CYP2J2: variants seen among roughly 807,000 people sequenced by gnomAD.
CYP2J2 encodes the protein cytochrome P450 2J2.
Under a neutral mutation model 48.8 loss-of-function variants are expected in CYP2J2, and 41 were observed. That is an observed-to-expected ratio of 0.84 (90% CI 0.66 to 1.09). The LOEUF is 1.09. CYP2J2 is among the 50% of genes least tolerant of loss of function. The probability of loss-of-function intolerance (pLI) is 0.00; values close to 1 mark genes in which losing one functional copy is unlikely to be tolerated. For synonymous variants in CYP2J2, 221 were observed against 227.1 expected, an observed-to-expected ratio of 0.97 and a Z score of 0.24; for missense variants, 644 against 617.3, an observed-to-expected ratio of 1.04 and a Z score of -0.46.
At chr1:59,903,525 A>G (rs1040548515) in intron 7 of CYP2J2, among the ~76,000 whole-genome samples, 4 of 152,194 alleles carry the variant, frequency 2.6e-5, no homozygotes, top group Non-Finnish European at 5.9e-5. Context: ...GGATTACTGG[A>G]GGAGAGAGTG....
In CYP2J2 at chr1:59,904,891, C is replaced by A. The variant is rs748001282; in HGVS notation, c.1171G>T (p.Ala391Ser). 1 of 1,613,682 alleles carries A rather than the reference C, an allele frequency of 6.2e-7. No homozygotes were observed. The highest frequency in any genetic ancestry group is 2.2e-5 in the East Asian group (1 of 44,846). Residue 391 changes from alanine to serine, a missense_variant, in exon 7 of 9, where the codon GCT (alanine) becomes TCT (serine). Coordinates refer to ENST00000371204, the MANE Select transcript of CYP2J2 (RefSeq NM_000775.4). ...ATTACCTTGGGCAGGTGGTACCCAGCCAAAGTGGTATCAACTGTCACTTCC... is the reference window on the plus strand; with the variant it reads ...ATTACCTTGGGCAGGTGGTACCCAGACAAAGTGGTATCAACTGTCACTTCC... ...PREVTVDTTL[A>S]GYHLPKGTMI...
rs527483308 is a variant in CYP2J2 at position 59,914,727 on chromosome 1, T to C, written c.373+1211A>G. Among the ~76,000 whole-genome samples the C allele has an allele frequency of 7.2e-5, 11 of 152,312 alleles. 1 individual carries two copies. The South Asian group carries it at 1.4e-3, about 20-fold the overall frequency. On this transcript the variant is annotated intron_variant, in intron 2 of 8. Transcript: ENST00000371204. ...TTGTCCAAGGTTTCTCCCCATGTGA[T>C]AGTCTGAAATATGGCCTCATGGGAT...
At chr1:59,938,774 C>T in the CYP2J2 span, among the ~76,000 whole-genome samples, 1 of 152,198 alleles carries the variant, frequency 6.6e-6, no homozygotes, top group Non-Finnish European at 1.5e-5. Context: ...TTGCCCATCC[C>T]ACGAGGCCAT....
the CYP2J2 span, among the ~76,000 whole-genome samples, chr1:59,952,543 C>T: frequency 4.5e-4 from 69 of 152,024 alleles, no homozygotes; most frequent in African/African-American, 1.6e-3. Flanking sequence ...CAGCCGAAAG[C>T]GGTATTAGGA....
rs888339394 is a variant in CYP2J2 at position 59,897,598 on chromosome 1, G to A, written c.1330+3367C>T. Among the ~76,000 whole-genome samples the A allele has an allele frequency of 2.6e-5, 4 of 152,160 alleles. No individual in the cohort carries two copies. In the East Asian group the frequency reaches 7.7e-4, roughly 29 times the overall value. Reference sequence around the variant, plus strand: ...AGGCCAGTTACCTCAGTAGTAAAATGAGAGAACTGACTTACAATTTTGGCA... The same window carrying A: ...AGGCCAGTTACCTCAGTAGTAAAATAAGAGAACTGACTTACAATTTTGGCA... On this transcript the variant is annotated intron_variant, in intron 8 of 8. Transcript: ENST00000371204.
chr1:59,949,821 G>A, the CYP2J2 span, among the ~76,000 whole-genome samples: 1 of 149,446 alleles, frequency 6.7e-6, no homozygotes, highest in Non-Finnish European at 1.5e-5. Context: ...TTTTTTTAAT[G>A]GCTCCAGTCA....
At position 59,907,773 on chromosome 1, in the gene CYP2J2, C is replaced by T; in HGVS notation, c.1003+13G>A. ...TTCTGTCCTGGTTCAGGCTTACTCACTGACATGCTCACCTTGGATTTCTGG... is the reference window on the plus strand; with the variant it reads ...TTCTGTCCTGGTTCAGGCTTACTCATTGACATGCTCACCTTGGATTTCTGG... On this transcript the variant is annotated intron_variant, in intron 6 of 8. Coordinates refer to ENST00000371204, the MANE Select transcript of CYP2J2 (RefSeq NM_000775.4). The T allele has an allele frequency of 1.2e-6, 2 of 1,613,808 alleles. No homozygotes were observed. Among genetic ancestry groups the T allele is most frequent in the Non-Finnish European group, 1.7e-6 (2 of 1,179,812 alleles).
At chr1:59,957,486 GACA>G in the CYP2J2 span, among the ~76,000 whole-genome samples, 20 of 152,080 alleles carry the variant, frequency 1.3e-4, no homozygotes, top group Non-Finnish European at 2.6e-4. Context: ...CTCTGAACTT[GACA>G]ACACCAGGCA....
chr1:59,901,811 C>T (rs1177556190), intron 7 of CYP2J2, among the ~76,000 whole-genome samples: 1 of 152,182 alleles, frequency 6.6e-6, no homozygotes, highest in East Asian at 1.9e-4. Flanking sequence ...GTTATAGTTT[C>T]CTAACTGTGC....
the CYP2J2 span, among the ~76,000 whole-genome samples, chr1:59,943,821 G>A: frequency 6.6e-6 from 1 of 152,202 alleles, no homozygotes; most frequent in Non-Finnish European, 1.5e-5. Flanking sequence ...GATAAGAACA[G>A]AGAAGTGGTA....
the CYP2J2 span, among the ~76,000 whole-genome samples, chr1:59,967,661 G>A: frequency 6.6e-6 from 1 of 152,216 alleles, no homozygotes; most frequent in African/African-American, 2.4e-5. Flanking sequence ...AACACACTCA[G>A]CAAAGCCTCT....
In CYP2J2 at chr1:59,912,147, A is replaced by T. The variant is rs780185003; in HGVS notation, c.523+15T>A. On this transcript the variant is annotated intron_variant, in intron 3 of 8. Transcript: ENST00000371204. Reference sequence around the variant, plus strand: ...TGGGCCACAGTCTCTCACCTCTGTCATATGCAATGCTCACCGTTCTCCTCT... The same window carrying T: ...TGGGCCACAGTCTCTCACCTCTGTCTTATGCAATGCTCACCGTTCTCCTCT... 23 of 1,607,810 alleles carry T rather than the reference A, an allele frequency of 1.4e-5. No individual in the cohort carries two copies. The Admixed American group carries it at 3.9e-4, about 27-fold the overall frequency.
At chr1:59,924,945 G>C (rs11572199) in intron 1 of CYP2J2, among the ~76,000 whole-genome samples, 1,838 of 152,064 alleles carry the variant, frequency 0.012, 19 homozygotes, top group Non-Finnish European at 0.016. Flanking sequence ...AAGGTTAAAA[G>C]TTAAAGAATA....
At chr1:59,958,730 TTAATCAC>T in the CYP2J2 span, among the ~76,000 whole-genome samples, 2 of 152,180 alleles carry the variant, frequency 1.3e-5, no homozygotes, top group Non-Finnish European at 2.9e-5. Flanking sequence ...ATCCAACACC[TTAATCAC>T]TTAGGTCCTT....
intron 1 of CYP2J2, among the ~76,000 whole-genome samples, chr1:59,921,226 A>C (rs1019775979): frequency 6.6e-6 from 1 of 152,262 alleles, no homozygotes; most frequent in Non-Finnish European, 1.5e-5. Context: ...AAAGTCAGGC[A>C]ACATAAAGTA....
At chr1:59,942,606 T>C in the CYP2J2 span, among the ~76,000 whole-genome samples, 51 of 152,254 alleles carry the variant, frequency 3.3e-4, no homozygotes, top group Non-Finnish European at 5.9e-4. Context: ...ATTTTTTTTT[T>C]CTGCTAAATT....
the CYP2J2 span, among the ~76,000 whole-genome samples, chr1:59,957,681 G>GACACACAC: frequency 5.1e-5 from 7 of 137,332 alleles, no homozygotes; most frequent in South Asian, 1.6e-3. Context: ...CAGACACACA[G>GACACACAC]ACACACACAC....
At chr1:59,904,632 AG>A (rs1429013238) in intron 7 of CYP2J2, 3 of 462,228 alleles carry the variant, frequency 6.5e-6, no homozygotes, top group African/African-American at 4.1e-5. Flanking sequence ...GAGGCCCCAC[AG>A]GAAAGAAAAG....
At chr1:59,958,403 A>C in the CYP2J2 span, among the ~76,000 whole-genome samples, 1 of 152,172 alleles carries the variant, frequency 6.6e-6, no homozygotes. Flanking sequence ...AACTGAAACT[A>C]GGTTCTCCTC....
Sources: gnomAD v4.1 joint callset for allele counts (sites outside exome capture counted in the v4.1 genomes callset) on GRCh38, gnomAD v4.1.1 for gene constraint, MANE v1.5 for transcripts, NCBI Gene and HGNC (gene_info 2026-07-23, HGNC 2026-07-21) for gene names.